SVIL: variants seen among roughly 807,000 people sequenced by gnomAD.
The protein encoded by SVIL is archvillin.
Under a neutral mutation model 240.4 loss-of-function variants are expected in SVIL, and 101 were observed. That is an observed-to-expected ratio of 0.42 (90% CI 0.36 to 0.50). SVIL has a LOEUF of 0.50. Ranked by LOEUF, SVIL falls within the 20% of genes least tolerant of loss-of-function variation. The probability of loss-of-function intolerance (pLI) is 0.01; values close to 1 mark genes in which losing one functional copy is unlikely to be tolerated. For missense variants in SVIL, 2,512 were observed against 2,818.7 expected, an observed-to-expected ratio of 0.89 and a Z score of 2.46; for synonymous variants, 999 against 1,100.0, an observed-to-expected ratio of 0.91 and a Z score of 1.82.
In SVIL at chr10:29,545,090, G is replaced by C. The variant is rs752643989; in HGVS notation, c.827+5507C>G. 5.6e-6 allele frequency: 3 copies of C among 534,250 alleles called. No individual in the cohort carries two copies. The East Asian group carries it at 1.6e-4, about 29-fold the overall frequency. The allele number at this position is 534,250 out of a possible 1,614,324, so 33.1% of individuals were successfully genotyped here. On this transcript the variant is annotated intron_variant, in intron 6 of 37. Transcript: ENST00000355867. ...CACGAGAGCGTGGAAGGTCAAGCAC[G>C]ATGCTCTCCTGCAGACACCTCTCTC...
At chr10:29,591,459 C>T (rs1413385295) in intron 1 of SVIL, among the ~76,000 whole-genome samples, 1 of 152,208 alleles carries the variant, frequency 6.6e-6, no homozygotes, top group Non-Finnish European at 1.5e-5. Flanking sequence ...AGCTAATATA[C>T]TGACAGTTAT....
At chr10:29,689,055 A>G (rs1564764862) in intron 1 of SVIL, among the ~76,000 whole-genome samples, 1 of 152,216 alleles carries the variant, frequency 6.6e-6, no homozygotes, top group Admixed American at 6.5e-5. Context: ...GGAGTTGTTG[A>G]TATTTGCTAA....
chr10:29,699,264 A>G (rs1293924108), intron 1 of SVIL, among the ~76,000 whole-genome samples: 1 of 151,952 alleles, frequency 6.6e-6, no homozygotes, highest in Admixed American at 6.6e-5. Context: ...AAGTAGCTGG[A>G]ACTACTGGCA....
chr10:29,724,180 TC>T lies in SVIL; in HGVS notation c.-400+11570del, dbSNP rs557797981. On this transcript the variant is annotated intron_variant, in intron 1 of 35. Transcript: ENST00000375400. ...TTTCTTCTGAGTTTTTTGTTTTCTC[TC>T]TTTTTTTTTTTTTCAAGAAGCCTAA... 3.9e-3 allele frequency among the ~76,000 whole-genome samples: 448 copies of T among 113,954 alleles called. 8 individuals are homozygous for T. Among genetic ancestry groups the T allele is most frequent in the African/African-American group, 0.014 (440 of 32,404 alleles). 74.8% of individuals were successfully genotyped at this position (113,954 alleles called of 152,430 possible).
At chr10:29,515,517 A>T (rs181991528) in intron 16 of SVIL, among the ~76,000 whole-genome samples, 1 of 152,342 alleles carries the variant, frequency 6.6e-6, no homozygotes, top group East Asian at 1.9e-4. Flanking sequence ...TACCCAAATG[A>T]GAAGTCCTTC....
intron 17 of SVIL, among the ~76,000 whole-genome samples, chr10:29,506,606 A>C (rs1949294382): frequency 6.8e-6 from 1 of 146,526 alleles, no homozygotes; most frequent in Non-Finnish European, 1.5e-5. Context: ...TGGGGAGACA[A>C]GGCCCTAGAG....
At position 29,532,472 on chromosome 10, in the gene SVIL, C is replaced by T; in HGVS notation, c.1838+57G>A. 1.9e-6 allele frequency: 3 copies of T among 1,550,458 alleles called. No individual in the cohort carries two copies. In the South Asian group the frequency reaches 3.7e-5, roughly 19 times the overall value. On this transcript the variant is annotated intron_variant, in intron 8 of 37. Transcript: ENST00000355867. ...ACACAACACAGGTCGAGGAGTGAAT[C>T]ATTCTGCCAGGGACGTGCAAGTGAC...
intron 1 of SVIL, among the ~76,000 whole-genome samples, chr10:29,578,198 C>T (rs1955786983): frequency 6.6e-6 from 1 of 152,208 alleles, no homozygotes; most frequent in African/African-American, 2.4e-5. Context: ...GACATTAATT[C>T]TCTCACAACT....
At chr10:29,693,688 C>G (rs1961696014) in intron 1 of SVIL, among the ~76,000 whole-genome samples, 2 of 152,116 alleles carry the variant, frequency 1.3e-5, no homozygotes, top group Middle Eastern at 3.2e-3. Flanking sequence ...CTTTCCTTCT[C>G]CCGAAAAAAC....
At chr10:29,631,805 G>A (rs911719787) in intron 1 of SVIL, among the ~76,000 whole-genome samples, 2 of 151,924 alleles carry the variant, frequency 1.3e-5, no homozygotes, top group East Asian at 3.9e-4. Context: ...AGATGGCGAG[G>A]CTTAAGAGGA....
At chr10:29,530,218 G>A (rs1441084718) in intron 11 of SVIL, among the ~76,000 whole-genome samples, 2 of 152,114 alleles carry the variant, frequency 1.3e-5, no homozygotes, top group East Asian at 1.9e-4. Flanking sequence ...GAAAGGAAAT[G>A]GGGGTAGTAA....
chr10:29,487,554 G>T, intron 23 of SVIL: 3 of 408,340 alleles, frequency 7.3e-6, no homozygotes, highest in Non-Finnish European at 1.3e-5. Context: ...ATGTGCGTGG[G>T]TTAATGAAGG....
chr10:29,573,554 C>T (rs73596054), intron 1 of SVIL, among the ~76,000 whole-genome samples: 8,294 of 151,884 alleles, frequency 0.055, 642 homozygotes, highest in African/African-American at 0.17. Context: ...TTAATTTTTC[C>T]ACTTGACATT....
At chr10:29,509,550 T>C (rs1024985338) in intron 17 of SVIL, among the ~76,000 whole-genome samples, 3 of 152,084 alleles carry the variant, frequency 2.0e-5, no homozygotes, top group African/African-American at 7.2e-5. Flanking sequence ...TCTTTTAGTA[T>C]AGAAATGAAA....
In SVIL at chr10:29,650,978, A is replaced by G. The variant is rs577421642; in HGVS notation, c.-201+6991T>C. On this transcript the variant is annotated intron_variant, in intron 3 of 35. Transcript: ENST00000375400. ...CTCTTTATTCTGATTTCAAACAGAGATTTCTTTTTATCAATTTGACCTAGA... is the reference window on the plus strand; with the variant it reads ...CTCTTTATTCTGATTTCAAACAGAGGTTTCTTTTTATCAATTTGACCTAGA... 1.0e-3 allele frequency among the ~76,000 whole-genome samples: 157 copies of G among 152,302 alleles called. 2 individuals carry two copies. The highest frequency in any genetic ancestry group is 1.4e-3 in the East Asian group (7 of 5,184).
chr10:29,637,897 G>T (rs193082780), upstream of SVIL, among the ~76,000 whole-genome samples: 1 of 152,192 alleles, frequency 6.6e-6, no homozygotes, highest in African/African-American at 2.4e-5. Context: ...CACTTACATA[G>T]CATTTCCCAG....
intron 1 of SVIL, among the ~76,000 whole-genome samples, chr10:29,622,363 G>T (rs1434299527): frequency 6.6e-6 from 1 of 150,686 alleles, no homozygotes; most frequent in Non-Finnish European, 1.5e-5. Context: ...GGTGACAAGC[G>T]CACCATCTCT....
chr10:29,606,753 AT>A (rs1327339267), intron 1 of SVIL, among the ~76,000 whole-genome samples: 1 of 151,890 alleles, frequency 6.6e-6, no homozygotes, highest in African/African-American at 2.4e-5. Flanking sequence ...ACATTTAACT[AT>A]TTTTTTATTT....
At chr10:29,692,797 CT>C (rs1398821732) in intron 1 of SVIL, among the ~76,000 whole-genome samples, 2 of 152,026 alleles carry the variant, frequency 1.3e-5, no homozygotes, top group African/African-American at 4.8e-5. Flanking sequence ...CCAGGCGGGA[CT>C]TTTTTCCTAT....
Sources: gnomAD v4.1 joint callset for allele counts (sites outside exome capture counted in the v4.1 genomes callset) on GRCh38, gnomAD v4.1.1 for gene constraint, MANE v1.5 for transcripts, NCBI Gene and HGNC (gene_info 2026-07-23, HGNC 2026-07-21) for gene names.